The following NATD1 variants were observed in gnomAD, a reference collection of about 807,000 sequenced individuals.
The protein encoded by NATD1 is N-acetyltransferase domain containing 1, also known as protein NATD1.
In NATD1, 9 loss-of-function variants were observed where a neutral mutation model predicts 12.0. The observed-to-expected ratio is 0.75, with a 90% confidence interval of 0.45 to 1.30. NATD1 has a LOEUF of 1.30. Ranked by LOEUF, NATD1 falls within the 50% of genes most tolerant of loss-of-function variation. The pLI, the probability that NATD1 is intolerant of heterozygous loss-of-function variation, is 0.00. For missense variants in NATD1, 148 were observed against 148.5 expected (o/e 1.00, Z 0.02); for synonymous variants, 71 against 65.9 (o/e 1.08, Z -0.37).
rs1283802702 is a variant in NATD1 at position 21,241,019 on chromosome 17, T to G, written c.*2294A>C. The G allele has an allele frequency of 2.0e-5, 3 of 152,648 alleles. No homozygotes were observed. Among genetic ancestry groups the G allele is most frequent in the African/African-American group, 7.2e-5 (3 of 41,474 alleles). 9.5% of individuals were successfully genotyped at this position (152,648 alleles called of 1,614,324 possible). A position where few individuals can be genotyped will look rare whatever the true frequency, so the allele number is the denominator to read the frequency against. ...TTGATGAGGCCTCATGAGAAAGCCC[T>G]AGTCTCAGTTCCTGGGCCCGGGGCC... On this transcript the variant is annotated 3_prime_UTR_variant, in exon 3 of 3. Coordinates refer to ENST00000611551, the MANE Select transcript of NATD1 (RefSeq NM_152914.3).
At position 21,243,248 on chromosome 17, in the gene NATD1, C is replaced by A; in HGVS notation, c.*65G>T. ...CAGTGGGACCAGGTTCCTGAGAGCA[C>A]GTGGGGCCAGGCAAAGGCCACGTGG... On this transcript the variant is annotated 3_prime_UTR_variant, in exon 3 of 3. Transcript: ENST00000611551. 1 of 1,336,690 alleles carries A rather than the reference C, an allele frequency of 7.5e-7. No individual in the cohort carries two copies. The allele number at this position is 1,336,690 out of a possible 1,614,324, so 82.8% of individuals were successfully genotyped here.
rs1025319475 is a variant in NATD1, at chr17:21,244,072, G to A, written c.225+34C>T. On this transcript the variant is annotated intron_variant, in intron 2 of 2. Coordinates refer to ENST00000611551, the MANE Select transcript of NATD1 (RefSeq NM_152914.3). This position sits in a 1 kb window ranked among gnomAD's most constrained non-coding sequence, Gnocchi z 5.2. ...CGAAGGTGGCAGCCCCCATGTCCCC[G>A]TCCCCGCTTGGCCCTGCCACCTGCC... is the stretch of plus-strand genomic sequence containing the variant. 111 of 1,574,904 alleles carry A rather than the reference G, an allele frequency of 7.0e-5. No homozygotes were observed. The highest frequency in any genetic ancestry group is 1.4e-4 in the East Asian group (6 of 44,210).
chr17:21,245,344 A>C (rs1975316174), intron 1 of NATD1, among the ~76,000 whole-genome samples: 1 of 152,194 alleles, frequency 6.6e-6, no homozygotes, highest in South Asian at 2.1e-4. Context: ...GCAAAGGGAC[A>C]GATGTGATTC....
intron 1 of NATD1, 71 bp downstream of exon 1, chr17:21,253,088 G>T: frequency 1.2e-6 from 1 of 820,366 alleles, no homozygotes; most frequent in Non-Finnish European, 1.5e-6. Flanking sequence ...CAGGCACCCA[G>T]CAAGGGGGCG....
rs1975291978 is a variant in NATD1, at chr17:21,243,106, T to C, written c.*207A>G. On this transcript the variant is annotated 3_prime_UTR_variant, in exon 3 of 3. Coordinates refer to ENST00000611551, the MANE Select transcript of NATD1 (RefSeq NM_152914.3). ...CAGAGTGAGAGGTGCCGGGACTACCTGGCCTCCTTGCCGCCTCGGTTACCG... is the reference window on the plus strand; with the variant it reads ...CAGAGTGAGAGGTGCCGGGACTACCCGGCCTCCTTGCCGCCTCGGTTACCG... 9.4e-6 allele frequency: 5 copies of C among 534,300 alleles called. No homozygotes were observed. The highest frequency in any genetic ancestry group is 3.1e-5 in the Admixed American group (1 of 31,996). The allele number at this position is 534,300 out of a possible 1,614,324, so 33.1% of individuals were successfully genotyped here. A position where few individuals can be genotyped will look rare whatever the true frequency, so the allele number is the denominator to read the frequency against.
At chr17:21,247,513 A>G (rs1563637) in intron 1 of NATD1, among the ~76,000 whole-genome samples, 127,417 of 152,270 alleles carry the variant, frequency 0.84, 53,691 homozygotes, top group African/African-American at 0.93. Context: ...TCACAGCCCC[A>G]TGTACAGATG....
chr17:21,243,441 G>A lies in NATD1; in HGVS notation c.226-12C>T, dbSNP rs769488333. 1 of 1,606,274 alleles carries A rather than the reference G, an allele frequency of 6.2e-7. No homozygotes were observed. The highest frequency in any genetic ancestry group is 8.5e-7 in the Non-Finnish European group (1 of 1,175,910). Reference sequence around the variant, plus strand: ...AAGTCCAGGGCGGCCTGGGAGCCGGGCAGAGAGGAGAGTGGTCAGGGCCTG... The same window carrying A: ...AAGTCCAGGGCGGCCTGGGAGCCGGACAGAGAGGAGAGTGGTCAGGGCCTG... On this transcript the variant is annotated splice_polypyrimidine_tract_variant and intron_variant, in intron 2 of 2. Transcript: ENST00000611551.
chr17:21,242,050 T>C lies in NATD1; in HGVS notation c.*1263A>G, dbSNP rs1193361477. On this transcript the variant is annotated 3_prime_UTR_variant, in exon 3 of 3. Coordinates refer to ENST00000611551, the MANE Select transcript of NATD1 (RefSeq NM_152914.3). ...CAGCCTGACTCCCCCCGAAGCCGGG[T>C]AGGGATGCATCACTCCGACTAACAA... 1 of 152,206 alleles carries C rather than the reference T, an allele frequency of 6.6e-6. No homozygotes were observed. Among genetic ancestry groups the C allele is most frequent in the Admixed American group, 6.6e-5 (1 of 15,258 alleles). 9.4% of individuals were successfully genotyped at this position (152,206 alleles called of 1,614,324 possible).
rs971636965 is a variant in NATD1 at position 21,242,322 on chromosome 17, G to C, written c.*991C>G. On this transcript the variant is annotated 3_prime_UTR_variant, in exon 3 of 3. Coordinates refer to ENST00000611551, the MANE Select transcript of NATD1 (RefSeq NM_152914.3). Reference sequence around the variant, plus strand: ...GATGGGCAGCAAAGTGTATCCGGCTGTAGCCAGCCACAAAAGAGGACACTG... The same window carrying C: ...GATGGGCAGCAAAGTGTATCCGGCTCTAGCCAGCCACAAAAGAGGACACTG... 6.6e-6 allele frequency: 1 copy of C among 152,290 alleles called. No homozygotes were observed. The highest frequency in any genetic ancestry group is 6.5e-5 in the Admixed American group (1 of 15,292). The allele number at this position is 152,290 out of a possible 1,614,324, so 9.4% of individuals were successfully genotyped here.
intron 1 of NATD1, among the ~76,000 whole-genome samples, chr17:21,250,677 T>C (rs1274514751): frequency 6.6e-6 from 1 of 152,136 alleles, no homozygotes; most frequent in South Asian, 2.1e-4. Flanking sequence ...CCCCTCTCCC[T>C]GTGGTGTGTG....
Position 21,253,152 on chromosome 17 carries a change from G to T in NATD1, c.106+7C>A. 1 of 1,018,852 alleles carries T rather than the reference G, an allele frequency of 9.8e-7. No homozygotes were observed. The highest frequency in any genetic ancestry group is 1.2e-6 in the Non-Finnish European group (1 of 852,776). The allele number at this position is 1,018,852 out of a possible 1,614,324, so 63.1% of individuals were successfully genotyped here. The stretch of plus-strand genomic sequence containing the variant: ...CAAAAGGTCGGGGCGGGCCGGGGCC[G>T]CCTTACCGTTGAGCCGGACAGTGAA... On this transcript the variant is annotated splice_region_variant and intron_variant, in intron 1 of 2. Coordinates refer to ENST00000611551, the MANE Select transcript of NATD1 (RefSeq NM_152914.3).
intron 1 of NATD1, among the ~76,000 whole-genome samples, chr17:21,247,409 G>A (rs1975335129): frequency 6.6e-6 from 1 of 152,140 alleles, no homozygotes; most frequent in Admixed American, 6.5e-5. Flanking sequence ...AGAAGCGGTG[G>A]TGGCCCAAGC....
At chr17:21,252,814 G>A (rs1007467738) in intron 1 of NATD1, among the ~76,000 whole-genome samples, 1 of 152,156 alleles carries the variant, frequency 6.6e-6, no homozygotes, top group Middle Eastern at 3.4e-3. Context: ...GGTCCCCTGC[G>A]GCTGAGACAG....
rs796256196 is a variant in NATD1, at chr17:21,239,525, C to CACGCCTGT, written c.*3780_*3787dup. ...TGCAACGGGGCCTGGTGAGGTGGCT[C>CACGCCTGT]ACGCCTGTAATCCCAACACTTTGGG... On this transcript the variant is annotated 3_prime_UTR_variant, in exon 3 of 3. Coordinates refer to ENST00000611551, the MANE Select transcript of NATD1 (RefSeq NM_152914.3). 3.1e-4 allele frequency: 47 copies of CACGCCTGT among 152,368 alleles called. No individual in the cohort carries two copies. Among genetic ancestry groups the CACGCCTGT allele is most frequent in the African/African-American group, 1.1e-3 (44 of 41,554 alleles). 9.4% of individuals were successfully genotyped at this position (152,368 alleles called of 1,614,324 possible). A position where few individuals can be genotyped will look rare whatever the true frequency, so the allele number is the denominator to read the frequency against.
At position 21,244,330 on chromosome 17, in the gene NATD1, G is replaced by T. The variant is rs1975307189; in HGVS notation, c.107-106C>A. 1 of 883,360 alleles carries T rather than the reference G, an allele frequency of 1.1e-6. No homozygotes were observed. The highest frequency in any genetic ancestry group is 1.7e-5 in the African/African-American group (1 of 59,082). The allele number at this position is 883,360 out of a possible 1,614,324, so 54.7% of individuals were successfully genotyped here. A position where few individuals can be genotyped will look rare whatever the true frequency, so the allele number is the denominator to read the frequency against. Reference sequence around the variant, plus strand: ...CATTTGGAGTCATTCAGCTGCTACAGCTGAATCCTGAATAACCTCTCAGTG... The same window carrying T: ...CATTTGGAGTCATTCAGCTGCTACATCTGAATCCTGAATAACCTCTCAGTG... On this transcript the variant is annotated intron_variant, in intron 1 of 2. Coordinates refer to ENST00000611551, the MANE Select transcript of NATD1 (RefSeq NM_152914.3). The surrounding 1 kb of genome is among the most constrained non-coding windows in gnomAD (Gnocchi z 5.2).
chr17:21,249,615 A>C (rs984004996), intron 1 of NATD1, among the ~76,000 whole-genome samples: 2 of 152,154 alleles, frequency 1.3e-5, no homozygotes, highest in Admixed American at 1.3e-4. Context: ...TGGCTGCAAA[A>C]TGGGGGTTAG....
Position 21,243,216 on chromosome 17 carries a change from C to G in NATD1, c.*97G>C. ...TGTCCTTACAAAAATAACTCTGAGT[C>G]TGTTCCCAGTGGGACCAGGTTCCTG... On this transcript the variant is annotated 3_prime_UTR_variant, in exon 3 of 3. Transcript: ENST00000611551. The G allele has an allele frequency of 1.1e-6, 1 of 896,824 alleles. No homozygotes were observed. The highest frequency in any genetic ancestry group is 1.7e-6 in the Non-Finnish European group (1 of 577,940). The allele number at this position is 896,824 out of a possible 1,614,324, so 55.6% of individuals were successfully genotyped here.
Position 21,253,250 on chromosome 17 carries a change from A to C in NATD1, c.15T>G (p.Ala5=). MAHS[A]AAVPLGALEQ... ...CCAGCGCGCCCAGCGGCACGGCGGC[A>C]GCCGAGTGCGCCATCTGCGCGCGGG... The change falls in exon 1 of 3, where the codon GCT becomes GCG. Residue 5 remains alanine (A), a synonymous_variant. Transcript: ENST00000611551. 9.0e-6 allele frequency: 9 copies of C among 996,168 alleles called. No individual in the cohort carries two copies. The highest frequency in any genetic ancestry group is 9.5e-6 in the Non-Finnish European group (8 of 838,594). 61.7% of individuals were successfully genotyped at this position (996,168 alleles called of 1,614,324 possible).
Position 21,240,962 on chromosome 17 carries a change from A to C in NATD1, c.*2351T>G, listed in dbSNP as rs1215080839. 6.5e-6 allele frequency: 1 copy of C among 152,722 alleles called. No individual in the cohort carries two copies. The highest frequency in any genetic ancestry group is 1.5e-5 in the Non-Finnish European group (1 of 68,116). The allele number at this position is 152,722 out of a possible 1,614,324, so 9.5% of individuals were successfully genotyped here. A position where few individuals can be genotyped will look rare whatever the true frequency, so the allele number is the denominator to read the frequency against. On this transcript the variant is annotated 3_prime_UTR_variant, in exon 3 of 3. Coordinates refer to ENST00000611551, the MANE Select transcript of NATD1 (RefSeq NM_152914.3). ...GTTAGCGGTGCTTTAAGGCAGCCCG[A>C]GGCGAGGAGGCCAGGTCATACCTGC...
Sources: gnomAD v4.1 joint callset for allele counts (sites outside exome capture counted in the v4.1 genomes callset) on GRCh38, gnomAD v4.1.1 for gene constraint, Gnocchi (gnomAD v3.1) non-coding constraint, MANE v1.5 for transcripts, NCBI Gene and HGNC (gene_info 2026-07-23, HGNC 2026-07-21) for gene names.